Variants in ELP4 observed in about 807,000 individuals in gnomAD.
ELP4 encodes the protein elongator acetyltransferase complex subunit 4.
In ELP4, 51 loss-of-function variants were observed where a neutral mutation model predicts 48.9. The ratio of observed to expected loss-of-function variants is 1.04; its 90% CI spans 0.83 to 1.32. The LOEUF is 1.32. Among genes scored for constraint, ELP4 ranks in the 40% most tolerant of loss-of-function variants. The pLI, the probability that ELP4 is intolerant of heterozygous loss-of-function variation, is 0.00. For synonymous variants in ELP4, 210 were observed against 189.2 expected (o/e 1.11, Z -0.90); for missense variants, 519 against 514.6 (o/e 1.01, Z -0.08).
intron 9 of ELP4, among the ~76,000 whole-genome samples, chr11:31,730,735 C>A (rs567087974): frequency 1.3e-5 from 2 of 152,228 alleles, no homozygotes; most frequent in East Asian, 3.9e-4. Flanking sequence ...ACTTGGTTAG[C>A]TCTATCTCAA....
At chr11:31,623,332 T>C (rs1179241040) in intron 5 of ELP4, among the ~76,000 whole-genome samples, 1 of 129,598 alleles carries the variant, frequency 7.7e-6, no homozygotes, top group Non-Finnish European at 1.6e-5. Context: ...TAGATGACAA[T>C]AGAAGATATT....
At chr11:31,563,346 C>T (rs1378833279) in intron 3 of ELP4, among the ~76,000 whole-genome samples, 1 of 151,924 alleles carries the variant, frequency 6.6e-6, no homozygotes, top group East Asian at 1.9e-4. Flanking sequence ...TTTTATTATG[C>T]CCTAGAGAAC....
chr11:31,741,294 G>T (rs1947442409), intron 9 of ELP4, among the ~76,000 whole-genome samples: 1 of 152,232 alleles, frequency 6.6e-6, no homozygotes, highest in African/African-American at 2.4e-5. Flanking sequence ...AGGCCTGCCT[G>T]CCTCTGTAGG....
intron 3 of ELP4, among the ~76,000 whole-genome samples, chr11:31,558,375 A>C (rs1233701487): frequency 1.3e-5 from 2 of 152,196 alleles, no homozygotes; most frequent in Admixed American, 1.3e-4. Flanking sequence ...ACAGGAGAAT[A>C]AACCGACTCT....
intron 3 of ELP4, among the ~76,000 whole-genome samples, chr11:31,569,508 T>C (rs1490564674): frequency 6.6e-6 from 1 of 152,088 alleles, no homozygotes; most frequent in Non-Finnish European, 1.5e-5. Flanking sequence ...CCCAGCACTT[T>C]GGGAGGCCGA....
intron 5 of ELP4, among the ~76,000 whole-genome samples, chr11:31,626,095 A>T (rs1452904893): frequency 6.6e-6 from 1 of 151,832 alleles, no homozygotes; most frequent in Non-Finnish European, 1.5e-5. Flanking sequence ...GTTTACAGAG[A>T]TGTACCTCTA....
chr11:31,736,630 G>GA (rs1947324197), intron 9 of ELP4, among the ~76,000 whole-genome samples: 1 of 152,172 alleles, frequency 6.6e-6, no homozygotes, highest in African/African-American at 2.4e-5. Context: ...AAATTTACAA[G>GA]AAAAAAATAA....
chr11:31,771,955 C>A (rs1182392931), intron 9 of ELP4, among the ~76,000 whole-genome samples: 4 of 151,938 alleles, frequency 2.6e-5, no homozygotes, highest in Admixed American at 1.3e-4. Flanking sequence ...GCACTCCAGC[C>A]TGGGCGACAG....
chr11:31,546,802 A>C (rs1956729849), intron 3 of ELP4, among the ~76,000 whole-genome samples: 1 of 152,184 alleles, frequency 6.6e-6, no homozygotes. Flanking sequence ...ACCACAGTGC[A>C]ATCAAACTAG....
At chr11:31,521,460 T>C (rs1956212820) in intron 2 of ELP4, among the ~76,000 whole-genome samples, 1 of 152,026 alleles carries the variant, frequency 6.6e-6, no homozygotes, top group Non-Finnish European at 1.5e-5. Context: ...AACCCATTTT[T>C]TTTGTAACTA....
intron 9 of ELP4, among the ~76,000 whole-genome samples, chr11:31,764,611 G>A (rs897829846): frequency 1.3e-5 from 2 of 151,864 alleles, no homozygotes; most frequent in African/African-American, 2.4e-5. Flanking sequence ...GAGAGAATTT[G>A]ACCCCCATTT....
chr11:31,560,563 A>G (rs996472723), intron 3 of ELP4, among the ~76,000 whole-genome samples: 1 of 151,556 alleles, frequency 6.6e-6, no homozygotes, highest in South Asian at 2.1e-4. Context: ...ACTAAAGGGC[A>G]TTACTACACA....
chr11:31,533,060 G>A (rs2133895731), intron 2 of ELP4, among the ~76,000 whole-genome samples: 1 of 152,220 alleles, frequency 6.6e-6, no homozygotes, highest in South Asian at 2.1e-4. Flanking sequence ...ACAGGCATGA[G>A]CCACTGTGCC....
At chr11:31,677,094 A>G (rs914732442) in intron 9 of ELP4, among the ~76,000 whole-genome samples, 7 of 152,244 alleles carry the variant, frequency 4.6e-5, no homozygotes, top group South Asian at 2.1e-4. Context: ...TTTGTAATAT[A>G]GTCTAATTGG....
At chr11:31,573,900 A>G (rs535173260) in intron 3 of ELP4, among the ~76,000 whole-genome samples, 1 of 151,962 alleles carries the variant, frequency 6.6e-6, no homozygotes, top group South Asian at 2.1e-4. Flanking sequence ...ATATTTTCAA[A>G]CACCCCTTTC....
intron 3 of ELP4, among the ~76,000 whole-genome samples, chr11:31,551,923 C>G (rs1592109825): frequency 6.6e-6 from 1 of 152,174 alleles, no homozygotes; most frequent in South Asian, 2.1e-4. Context: ...GGTTGACACA[C>G]AGATTTCTAA....
intron 9 of ELP4, 65 bp from the exon 10 acceptor site, chr11:31,783,328 C>T: frequency 6.7e-7 from 1 of 1,499,408 alleles, no homozygotes. Context: ...GTATGCTAGC[C>T]AAAGCAAAAT....
intron 9 of ELP4, 67 bp from the exon 10 acceptor site, chr11:31,783,326 G>A: frequency 6.7e-7 from 1 of 1,484,842 alleles, no homozygotes; most frequent in South Asian, 1.2e-5. Flanking sequence ...AAGTATGCTA[G>A]CCAAAGCAAA....
At position 31,783,963 on chromosome 11, in the gene ELP4, G is replaced by A. The variant is rs2134291969; in HGVS notation, c.*439G>A. On this transcript the variant is annotated 3_prime_UTR_variant, in exon 10 of 10. Coordinates refer to ENST00000640961, the MANE Select transcript of ELP4 (RefSeq NM_019040.5). ...AATGCTGTTTTTTAAATGAAAATGT[G>A]TTTACTAATATATAAAATAAATTTG... 6.6e-6 allele frequency: 1 copy of A among 152,546 alleles called. No homozygotes were observed. The highest frequency in any genetic ancestry group is 2.4e-5 in the African/African-American group (1 of 41,518). The allele number at this position is 152,546 out of a possible 1,614,324, so 9.4% of individuals were successfully genotyped here. A position where few individuals can be genotyped will look rare whatever the true frequency, so the allele number is the denominator to read the frequency against.
Sources: allele counts gnomAD v4.1 joint callset (sites outside exome capture counted in the v4.1 genomes callset), GRCh38; gene constraint gnomAD v4.1.1; transcripts MANE v1.5; gene names NCBI Gene and HGNC (gene_info 2026-07-23, HGNC 2026-07-21).